SCD5: variants seen among roughly 807,000 people sequenced by gnomAD.
SCD5 encodes acyl-CoA-desaturase 4.
In SCD5, 20 loss-of-function variants were observed where a neutral mutation model predicts 30.4. That is an observed-to-expected ratio of 0.66 (90% CI 0.46 to 0.96). The LOEUF (loss-of-function observed/expected upper bound fraction) is 0.96, where lower values mean the gene tolerates loss of function less well. SCD5 is among the 40% of genes least tolerant of loss of function. The probability of loss-of-function intolerance (pLI) is 0.00; values close to 1 mark genes in which losing one functional copy is unlikely to be tolerated. For synonymous variants in SCD5, 173 were observed against 176.4 expected (o/e 0.98, Z 0.16); for missense variants, 381 against 443.3 (o/e 0.86, Z 1.26).
At chr4:82,751,479 A>G (rs11934278) in intron 1 of SCD5, among the ~76,000 whole-genome samples, 6,263 of 152,252 alleles carry the variant, frequency 0.041, 430 homozygotes, top group African/African-American at 0.14. Flanking sequence ...AAATCTTTAA[A>G]TCTCTTAGGA....
chr4:82,712,269 T>TATATATATATATAC (rs1720114705), intron 1 of SCD5, among the ~76,000 whole-genome samples: 1 of 49,246 alleles, frequency 2.0e-5, no homozygotes, highest in African/African-American at 1.4e-4. Context: ...TATATATATA[T>TATATATATATATAC]ATATATATAT....
intron 2 of SCD5, among the ~76,000 whole-genome samples, chr4:82,704,554 C>T (rs539130141): frequency 6.6e-6 from 1 of 152,276 alleles, no homozygotes; most frequent in South Asian, 2.1e-4. Flanking sequence ...CAGTGATGAC[C>T]GTCTCTTACA....
chr4:82,661,074 T>C, intron 3 of SCD5: 1 of 1,612,990 alleles, frequency 6.2e-7, no homozygotes, highest in Non-Finnish European at 8.5e-7. Flanking sequence ...GGATGTGCTG[T>C]GTACTGATAA....
intron 1 of SCD5, among the ~76,000 whole-genome samples, chr4:82,756,615 C>T (rs537894739): frequency 8.3e-4 from 126 of 152,024 alleles, no homozygotes; most frequent in Non-Finnish European, 1.5e-3. Context: ...ATCCCAGTTA[C>T]TCGGGAAGCT....
chr4:82,642,711 C>T (rs1345545851), intron 3 of SCD5, among the ~76,000 whole-genome samples: 1 of 152,218 alleles, frequency 6.6e-6, no homozygotes, highest in South Asian at 2.1e-4. Context: ...GGCTCGCAGC[C>T]CTGACTGCAC....
chr4:82,681,451 T>C (rs911493912), intron 2 of SCD5, among the ~76,000 whole-genome samples: 1 of 152,136 alleles, frequency 6.6e-6, no homozygotes, highest in African/African-American at 2.4e-5. Flanking sequence ...AATGGCATTG[T>C]TGGGTTGAAT....
intron 1 of SCD5, among the ~76,000 whole-genome samples, chr4:82,726,085 A>G (rs1231847827): frequency 6.6e-6 from 1 of 152,150 alleles, no homozygotes; most frequent in African/African-American, 2.4e-5. Context: ...AAACAGAGGA[A>G]CACCCAACAA....
chr4:82,798,045 G>A (rs1175113208), intron 1 of SCD5, among the ~76,000 whole-genome samples: 1 of 149,048 alleles, frequency 6.7e-6, no homozygotes, highest in East Asian at 2.0e-4. Context: ...TCGGGAAGCC[G>A]GCAAATGCGC....
intron 3 of SCD5, among the ~76,000 whole-genome samples, chr4:82,643,618 C>T (rs1229241138): frequency 6.6e-6 from 1 of 152,106 alleles, no homozygotes; most frequent in Non-Finnish European, 1.5e-5. Flanking sequence ...GGAATGATGA[C>T]AAAGTTTTCT....
rs574019187 is a variant in SCD5, at chr4:82,773,167, C to A, written c.232+25139G>T. 6.6e-5 allele frequency among the ~76,000 whole-genome samples: 10 copies of A among 152,302 alleles called. No homozygotes were observed. The South Asian group carries it at 1.5e-3, about 22-fold the overall frequency. ...AGAGTCTTTCTGGTCACTCCCTCCT[C>A]CCGCATTCTGCAATTGCATGTGTCC... On this transcript the variant is annotated intron_variant, in intron 1 of 4. Transcript: ENST00000319540.
rs1011225201 is a variant in SCD5 at position 82,669,335 on chromosome 4, C to T, written c.569+11372G>A. Among the ~76,000 whole-genome samples, 11 of 150,250 alleles carry T rather than the reference C, an allele frequency of 7.3e-5. No homozygotes were observed. In the East Asian group the frequency reaches 1.2e-3, roughly 16 times the overall value. ...AAAAAAAAAAGGAAAGTATCAATTTCCAGTTTCCGGTTCCACATGAAGAGC... is the reference window on the plus strand; with the variant it reads ...AAAAAAAAAAGGAAAGTATCAATTTTCAGTTTCCGGTTCCACATGAAGAGC... On this transcript the variant is annotated intron_variant, in intron 3 of 4. Transcript: ENST00000319540.
At chr4:82,684,378 A>G (rs902410534) in intron 2 of SCD5, among the ~76,000 whole-genome samples, 2 of 152,236 alleles carry the variant, frequency 1.3e-5, no homozygotes, top group Non-Finnish European at 2.9e-5. Context: ...GAACTTGGTA[A>G]TAAATAAATT....
At chr4:82,663,279 C>T (rs34782288) in intron 3 of SCD5, among the ~76,000 whole-genome samples, 50,991 of 151,980 alleles carry the variant, frequency 0.34, 9,288 homozygotes, top group African/African-American at 0.48. Context: ...AAGAAGAAGT[C>T]AGCTAAAAAT....
chr4:82,700,476 GGA>G (rs1719805292), intron 2 of SCD5, among the ~76,000 whole-genome samples: 2 of 152,028 alleles, frequency 1.3e-5, no homozygotes, highest in Non-Finnish European at 2.9e-5. Flanking sequence ...TACCTATAAA[GGA>G]GTGAGGAGAA....
chr4:82,632,839 TA>T (rs1432611369), intron 4 of SCD5, among the ~76,000 whole-genome samples: 2 of 152,330 alleles, frequency 1.3e-5, no homozygotes, highest in African/African-American at 4.8e-5. Context: ...TTTGATTTTT[TA>T]AATTTCTTTT....
intron 1 of SCD5, among the ~76,000 whole-genome samples, chr4:82,752,251 G>A (rs1353871908): frequency 2.0e-5 from 3 of 146,510 alleles, no homozygotes; most frequent in African/African-American, 7.6e-5. Context: ...ATCTCTCAAG[G>A]TTGACCTTGA....
intron 3 of SCD5, among the ~76,000 whole-genome samples, chr4:82,651,258 T>C (rs934854381): frequency 6.6e-6 from 1 of 152,150 alleles, no homozygotes; most frequent in Non-Finnish European, 1.5e-5. Flanking sequence ...AAAGGTGAGT[T>C]TTGAAGAATG....
chr4:82,797,153 TG>T (rs1722242365), intron 1 of SCD5, among the ~76,000 whole-genome samples: 1 of 152,178 alleles, frequency 6.6e-6, no homozygotes, highest in African/African-American at 2.4e-5. Flanking sequence ...CCTAGGCATT[TG>T]CAGCTGGCAC....
intron 3 of SCD5, among the ~76,000 whole-genome samples, chr4:82,647,973 TGTCTTAACCTGG>T (rs1727666274): frequency 5.9e-5 from 9 of 152,246 alleles, no homozygotes; most frequent in Admixed American, 5.9e-4. Context: ...TAGTGAGGAA[TGTCTTAACCTGG>T]GTTCCCCAGA....
Sources: gnomAD v4.1 joint callset for allele counts (sites outside exome capture counted in the v4.1 genomes callset) on GRCh38, gnomAD v4.1.1 for gene constraint, MANE v1.5 for transcripts, NCBI Gene and HGNC (gene_info 2026-07-23, HGNC 2026-07-21) for gene names.